Variants in TMC5 observed in about 807,000 individuals in gnomAD.
TMC5 encodes transmembrane channel-like protein 5.
Under a neutral mutation model 110.5 loss-of-function variants are expected in TMC5, and 86 were observed. The observed-to-expected ratio is 0.78, with a 90% CI of 0.65 to 0.93. The LOEUF is 0.93. Among genes scored for constraint, TMC5 ranks in the 40% least tolerant of loss-of-function variants. The probability of loss-of-function intolerance (pLI) is 0.00; values close to 1 mark genes in which losing one functional copy is unlikely to be tolerated. For missense variants in TMC5, 1,144 were observed against 1,222.8 expected (o/e 0.94, Z 0.96); for synonymous variants, 455 against 439.5 (o/e 1.04, Z -0.44).
chr16:19,466,173 T>A lies in TMC5; in HGVS notation c.1577T>A (p.Leu526Gln), dbSNP rs750021639. The A allele has an allele frequency of 1.2e-6, 2 of 1,614,206 alleles. No homozygotes were observed. Among genetic ancestry groups the A allele is most frequent in the Non-Finnish European group, 1.7e-6 (2 of 1,180,044 alleles). Residue 526 changes from leucine (L) to glutamine (Q), a missense_variant, in exon 9 of 22, where the codon CTG becomes CAG. By Grantham distance (113) the Leu-to-Gln change is moderately radical. Coordinates refer to ENST00000542583, the MANE Select transcript of TMC5 (RefSeq NM_001261841.2). The part of the protein sequence containing the change: ...GNSGASYNMQ[L>Q]AYIFTIGACL... ...AGCGGGGCATCCTACAACATGCAGC[T>A]GGCCTACATCTTCACAATCGGAGCA...
rs57227756 is a variant in TMC5 at position 19,463,970 on chromosome 16, C to T, written c.1431C>T (p.Thr477=). 72 of 1,614,082 alleles carry T rather than the reference C, an allele frequency of 4.5e-5. No individual in the cohort carries two copies. The East Asian group carries it at 8.9e-4, about 20-fold the overall frequency. Residue 477 remains threonine, a synonymous_variant, in exon 8 of 22, where the codon ACC becomes ACT. Coordinates refer to ENST00000542583, the MANE Select transcript of TMC5 (RefSeq NM_001261841.2). ...NFSFIIIPQF[T]VAKKNTLQFT... is the part of the protein sequence containing the mutation. Reference sequence around the variant, plus strand: ...GCTTCATCATAATCCCTCAGTTTACCGTGGCCAAAAAGAACACCCTCCAGT... The same window carrying T: ...GCTTCATCATAATCCCTCAGTTTACTGTGGCCAAAAAGAACACCCTCCAGT...
In TMC5 at chr16:19,463,886, T is replaced by C. The variant is rs1449149940; in HGVS notation, c.1347T>C (p.Tyr449=). The C allele has an allele frequency of 5.6e-6, 9 of 1,614,216 alleles. No homozygotes were observed. Among genetic ancestry groups the C allele is most frequent in the Non-Finnish European group, 7.6e-6 (9 of 1,180,038 alleles). The change falls in exon 8 of 22, where the codon TAT becomes TAC. Residue 449 remains tyrosine, a synonymous_variant. Transcript: ENST00000542583. ...AGTTTGGAACCAGCGTCCTCTCCTATTTCAACTTTCTGAGATGGCTTTTGA... is the reference window on the plus strand; with the variant it reads ...AGTTTGGAACCAGCGTCCTCTCCTACTTCAACTTTCTGAGATGGCTTTTGA... ...GGKFGTSVLS[Y]FNFLRWLLKF...
chr16:19,455,881 G>A (rs914262471), intron 5 of TMC5, among the ~76,000 whole-genome samples: 2 of 152,062 alleles, frequency 1.3e-5, no homozygotes, highest in African/African-American at 4.8e-5. Flanking sequence ...AAACCCATGT[G>A]GATTTCTACA....
At chr16:19,453,862 T>C (rs1444843608) in intron 5 of TMC5, among the ~76,000 whole-genome samples, 20 of 152,152 alleles carry the variant, frequency 1.3e-4, no homozygotes, top group Non-Finnish European at 4.4e-5. Flanking sequence ...TGCCACATAG[T>C]GTGCGTGCTT....
chr16:19,490,140 C>G (rs986662607), intron 17 of TMC5, among the ~76,000 whole-genome samples: 1 of 152,136 alleles, frequency 6.6e-6, no homozygotes, highest in African/African-American at 2.4e-5. Context: ...ATCATTGAGC[C>G]AAGTTACTGC....
intron 5 of TMC5, among the ~76,000 whole-genome samples, chr16:19,453,618 A>T (rs1363976911): frequency 1.3e-5 from 2 of 151,410 alleles, no homozygotes; most frequent in Non-Finnish European, 2.9e-5. Context: ...AAAAAGAAAA[A>T]TTAGCCAGGC....
rs1175930577 is a variant in TMC5 at position 19,497,537 on chromosome 16, G to A, written c.2974+374G>A. 5.9e-5 allele frequency among the ~76,000 whole-genome samples: 9 copies of A among 152,308 alleles called. No individual in the cohort carries two copies. In the South Asian group the frequency reaches 1.2e-3, roughly 21 times the overall value. On this transcript the variant is annotated intron_variant, in intron 21 of 21. Coordinates refer to ENST00000542583, the MANE Select transcript of TMC5 (RefSeq NM_001261841.2). ...TAGGATCTGACTGGGTGATGTCCCC[G>A]TCTATGAACCAATTGTTGTGGGTGC...
At chr16:19,455,220 G>A (rs1392709066) in intron 5 of TMC5, among the ~76,000 whole-genome samples, 3 of 152,020 alleles carry the variant, frequency 2.0e-5, no homozygotes, top group Non-Finnish European at 4.4e-5. Flanking sequence ...GGCTGAGGCA[G>A]GCGAATCACT....
At chr16:19,447,939 G>A (rs1455510680) in intron 4 of TMC5, among the ~76,000 whole-genome samples, 2 of 152,032 alleles carry the variant, frequency 1.3e-5, no homozygotes, top group East Asian at 1.9e-4. Context: ...GGAAGTAACA[G>A]GGCTGGGAGT....
At chr16:19,462,274 G>T (rs1207672839) in intron 6 of TMC5, among the ~76,000 whole-genome samples, 4 of 152,090 alleles carry the variant, frequency 2.6e-5, no homozygotes, top group African/African-American at 7.2e-5. Context: ...TCATTGTAGG[G>T]TGTGTAGCAG....
intron 8 of TMC5, among the ~76,000 whole-genome samples, chr16:19,465,031 CTTTCTTTCTTTCTTTCTTTCTTTCTT>C (rs1968131131): frequency 5.8e-5 from 7 of 120,512 alleles, no homozygotes; most frequent in African/African-American, 9.9e-5. Flanking sequence ...TTCTTTCTTT[CTTTCTTTCTTTCTTTCTTTCTTTCTT>C]TTCCTTCCTT....
chr16:19,460,398 C>A, intron 6 of TMC5, 64 bp downstream of exon 6: 1 of 1,175,232 alleles, frequency 8.5e-7, no homozygotes, highest in Non-Finnish European at 1.2e-6. Flanking sequence ...CTACTTTTGC[C>A]CCATCTCAAA....
intron 12 of TMC5, 28 bp from the exon 13 acceptor site, chr16:19,477,412 A>T (rs759437720): frequency 2.7e-6 from 4 of 1,505,504 alleles, no homozygotes; most frequent in Middle Eastern, 1.7e-4. Context: ...CATTGAAGGT[A>T]ATCATAAATG....
At chr16:19,422,388 A>G (rs1453724340) in intron 1 of TMC5, among the ~76,000 whole-genome samples, 1 of 152,214 alleles carries the variant, frequency 6.6e-6, no homozygotes, top group Non-Finnish European at 1.5e-5. Flanking sequence ...AGGAAACTCC[A>G]ATGCCCTGCT....
chr16:19,479,325 C>G (rs911848161), intron 13 of TMC5, 106 bp from the exon 14 acceptor site: 7 of 883,000 alleles, frequency 7.9e-6, no homozygotes, highest in Non-Finnish European at 1.2e-5. Flanking sequence ...CTTGGTCAAA[C>G]CCAACCATTA....
rs757877398 is a variant in TMC5, at chr16:19,466,188, C to G, written c.1592C>G (p.Thr531Arg). Residue 531 changes from threonine to arginine, a missense_variant, in exon 9 of 22, where the codon ACA becomes AGA. Physicochemically the swap from Thr to Arg is moderately conservative, Grantham distance 71. Transcript: ENST00000542583. ...SYNMQLAYIF[T>R]IGACLTTCFF... ...AACATGCAGCTGGCCTACATCTTCA[C>G]AATCGGAGCATGCTTGACCACCTGC... 6.2e-7 allele frequency: 1 copy of G among 1,614,174 alleles called. No homozygotes were observed. The highest frequency in any genetic ancestry group is 8.5e-7 in the Non-Finnish European group (1 of 1,180,048).
chr16:19,471,994 C>T, intron 10 of TMC5, 94 bp from the exon 11 acceptor site: 1 of 1,318,034 alleles, frequency 7.6e-7, no homozygotes, highest in South Asian at 1.3e-5. Flanking sequence ...CTCCTGACCT[C>T]AAGTGATCCA....
chr16:19,411,096 G>T (rs1597148500), exon 1 of TMC5: 1 of 152,288 alleles, frequency 6.6e-6, no homozygotes, highest in African/African-American at 2.4e-5. Flanking sequence ...CGCCGCCTTC[G>T]TGCAGCCCGC....
intron 3 of TMC5, among the ~76,000 whole-genome samples, chr16:19,442,325 ATTTTT>A (rs143016414): frequency 4.1e-4 from 50 of 123,426 alleles, no homozygotes; most frequent in African/African-American, 8.3e-4. Flanking sequence ...ACAAAATGTA[ATTTTT>A]TTTTTTTTTT....
Sources: allele counts gnomAD v4.1 joint callset (sites outside exome capture counted in the v4.1 genomes callset), GRCh38; gene constraint gnomAD v4.1.1; transcripts MANE v1.5; gene names NCBI Gene and HGNC (gene_info 2026-07-23, HGNC 2026-07-21).